GABPB2: variants seen among roughly 807,000 people sequenced by gnomAD.
GABPB2 encodes the protein GA binding protein transcription factor subunit beta 2.
In GABPB2, 23 loss-of-function variants were observed where a neutral mutation model predicts 39.1. The observed-to-expected ratio is 0.59, with a 90% CI of 0.42 to 0.83. The LOEUF (loss-of-function observed/expected upper bound fraction) is 0.83. GABPB2 is among the 40% of genes least tolerant of loss of function. The pLI is 0.00. For missense variants in GABPB2, 467 were observed against 541.1 expected (o/e 0.86, Z 1.36); for synonymous variants, 184 against 199.3 (o/e 0.92, Z 0.65).
chr1:151,088,204 C>G lies in GABPB2; in HGVS notation c.15C>G (p.Asp5Glu). 1 of 1,613,904 alleles carries G rather than the reference C, an allele frequency of 6.2e-7. No individual in the cohort carries two copies. The highest frequency in any genetic ancestry group is 8.5e-7 in the Non-Finnish European group (1 of 1,179,870). ...TATGCATAAAGATGTCTTTGGTGGA[C>G]TTGGGAAAGAGGTTGCTAGAAGCAG... is the stretch of plus-strand genomic sequence containing the variant. MSLV[D>E]LGKRLLEAAR... The change falls in exon 2 of 9, where the codon GAC becomes GAG. Residue 5 changes from aspartate to glutamate, a missense_variant. Asp to Glu is a conservative substitution (Grantham distance 45). Coordinates refer to ENST00000368918, the MANE Select transcript of GABPB2 (RefSeq NM_144618.3).
At position 151,125,435 on chromosome 1, in the gene GABPB2, T is replaced by G. The variant is rs888090126; in HGVS notation, c.*7179T>G. 2.0e-5 allele frequency: 3 copies of G among 152,172 alleles called. No homozygotes were observed. The highest frequency in any genetic ancestry group is 2.9e-5 in the Non-Finnish European group (2 of 68,038). 9.4% of individuals were successfully genotyped at this position (152,172 alleles called of 1,614,324 possible). A position where few individuals can be genotyped will look rare whatever the true frequency, so the allele number is the denominator to read the frequency against. ...ATGAGCAAGTTTGTGTGTATATGTG[T>G]GTATGAGCATTTGTATGTATATATA... On this transcript the variant is annotated 3_prime_UTR_variant, in exon 9 of 9. Coordinates refer to ENST00000368918, the MANE Select transcript of GABPB2 (RefSeq NM_144618.3).
chr1:151,088,877 G>C (rs1034526608), intron 2 of GABPB2, among the ~76,000 whole-genome samples: 1 of 152,154 alleles, frequency 6.6e-6, no homozygotes, highest in African/African-American at 2.4e-5. Context: ...GCGCACGCCT[G>C]TAATCCCAGC....
rs747400692 is a variant in GABPB2 at position 151,090,468 on chromosome 1, C to T, written c.171C>T (p.Leu57=). 4 of 1,614,088 alleles carry T rather than the reference C, an allele frequency of 2.5e-6. No individual in the cohort carries two copies. The highest frequency in any genetic ancestry group is 2.2e-5 in the East Asian group (1 of 44,884). The part of the protein sequence containing the change: ...QYGHYSTAEV[L]LRAGVSRDAR... ...GTCATTATTCCACAGCAGAAGTACT[C>T]CTTCGAGCAGGTGTTAGCAGGGATG... Residue 57 remains leucine (L), a synonymous_variant, in exon 3 of 9, where the codon CTC becomes CTT. Transcript: ENST00000368918.
chr1:151,091,063 G>A lies in GABPB2; in HGVS notation c.276+490G>A, dbSNP rs116636923. On this transcript the variant is annotated intron_variant, in intron 3 of 8. Transcript: ENST00000368918. ...AAAAAAACCTTCATGGCTATGAGGAGTCTGTTTTCTTATTTATTTTTTGTT... is the reference window on the plus strand; with the variant it reads ...AAAAAAACCTTCATGGCTATGAGGAATCTGTTTTCTTATTTATTTTTTGTT... 3.2e-3 allele frequency among the ~76,000 whole-genome samples: 491 copies of A among 151,990 alleles called. 2 individuals are homozygous for A. Among genetic ancestry groups the A allele is most frequent in the South Asian group, 8.3e-3 (40 of 4,812 alleles).
intron 3 of GABPB2, among the ~76,000 whole-genome samples, chr1:151,092,456 T>A (rs948996694): frequency 7.3e-5 from 11 of 151,664 alleles, no homozygotes; most frequent in Non-Finnish European, 1.6e-4. Context: ...TCTCACTACG[T>A]TGACCAGGCT....
intron 1 of GABPB2, among the ~76,000 whole-genome samples, chr1:151,075,538 T>G (rs587648637): frequency 8.2e-6 from 1 of 122,314 alleles, no homozygotes; most frequent in Admixed American, 1.2e-4. Context: ...CACTCTAGCC[T>G]GGGCGACAGA....
chr1:151,112,937 AT>A (rs761548195), intron 7 of GABPB2, among the ~76,000 whole-genome samples: 427 of 140,088 alleles, frequency 3.0e-3, no homozygotes, highest in Non-Finnish European at 2.7e-3. Flanking sequence ...CGCCTGGCTA[AT>A]TTTTTTTTTT....
At chr1:151,073,693 G>A (rs910193563) in intron 1 of GABPB2, among the ~76,000 whole-genome samples, 6 of 151,956 alleles carry the variant, frequency 3.9e-5, no homozygotes, top group East Asian at 1.9e-4. Flanking sequence ...AGGCTGAGGC[G>A]GGCAGATCAC....
Position 151,112,091 on chromosome 1 carries a change from G to T in GABPB2, c.922+4869G>T, listed in dbSNP as rs587642797. 6.7e-5 allele frequency among the ~76,000 whole-genome samples: 10 copies of T among 148,530 alleles called. No homozygotes were observed. The South Asian group carries it at 2.2e-3, about 32-fold the overall frequency. ...TACCAAAAATTAGCTGGGCGTGGTG[G>T]TGGGCGCCCGTAGTCCCAGCTACTC... On this transcript the variant is annotated intron_variant, in intron 7 of 8. Coordinates refer to ENST00000368918, the MANE Select transcript of GABPB2 (RefSeq NM_144618.3).
At position 151,117,974 on chromosome 1, in the gene GABPB2, G is replaced by A; in HGVS notation, c.1065G>A (p.Glu355=). ...VEESKEGNER[E]LLQQQLQEAN... is the part of the protein sequence containing the mutation. ...TTTTACAGGAAGGCAATGAAAGAGAGCTACTACAGCAACAACTCCAGGAGG... is the reference window on the plus strand; with the variant it reads ...TTTTACAGGAAGGCAATGAAAGAGAACTACTACAGCAACAACTCCAGGAGG... Residue 355 remains glutamate (E), a synonymous_variant, in exon 9 of 9, where the codon GAG becomes GAA. Coordinates refer to ENST00000368918, the MANE Select transcript of GABPB2 (RefSeq NM_144618.3). 1 of 1,612,418 alleles carries A rather than the reference G, an allele frequency of 6.2e-7. No individual in the cohort carries two copies. Among genetic ancestry groups the A allele is most frequent in the Non-Finnish European group, 8.5e-7 (1 of 1,179,040 alleles).
At chr1:151,091,044 A>AAAAAAAAG (rs752903621) in intron 3 of GABPB2, among the ~76,000 whole-genome samples, 1 of 150,986 alleles carries the variant, frequency 6.6e-6, no homozygotes, top group Non-Finnish European at 1.5e-5. Flanking sequence ...AAAAAAAAAA[A>AAAAAAAAG]CCTTCATGGC....
At chr1:151,100,171 G>A (rs1057346754) in intron 5 of GABPB2, among the ~76,000 whole-genome samples, 12 of 146,790 alleles carry the variant, frequency 8.2e-5, no homozygotes, top group Non-Finnish European at 1.2e-4. Flanking sequence ...TTGAGACGGA[G>A]TCTCGCTCTG....
At chr1:151,096,835 C>T (rs1467540937) in intron 4 of GABPB2, among the ~76,000 whole-genome samples, 1 of 152,190 alleles carries the variant, frequency 6.6e-6, no homozygotes, top group African/African-American at 2.4e-5. Flanking sequence ...TGCTAGCACA[C>T]TGACTTGTAG....
intron 1 of GABPB2, among the ~76,000 whole-genome samples, chr1:151,072,569 G>A (rs1174079060): frequency 1.3e-5 from 2 of 152,176 alleles, no homozygotes; most frequent in Non-Finnish European, 2.9e-5. Flanking sequence ...AAACAGGCCG[G>A]GCGTGGTGGC....
intron 7 of GABPB2, among the ~76,000 whole-genome samples, chr1:151,111,196 A>G (rs189171749): frequency 1.3e-5 from 2 of 151,882 alleles, no homozygotes; most frequent in Admixed American, 6.6e-5. Flanking sequence ...GGCAGTCTTG[A>G]TATTCAGGAC....
chr1:151,123,063 C>T lies in GABPB2; in HGVS notation c.*4807C>T, dbSNP rs1681237553. ...CCATTTCATGACTTTGCATATCTTT[C>T]TGGATTAGTCATGGAAGTTGGGGAA... On this transcript the variant is annotated 3_prime_UTR_variant, in exon 9 of 9. Transcript: ENST00000368918. 6.6e-6 allele frequency: 1 copy of T among 152,148 alleles called. No homozygotes were observed. The highest frequency in any genetic ancestry group is 1.5e-5 in the Non-Finnish European group (1 of 68,038). 9.4% of individuals were successfully genotyped at this position (152,148 alleles called of 1,614,324 possible). A position where few individuals can be genotyped will look rare whatever the true frequency, so the allele number is the denominator to read the frequency against.
At position 151,119,557 on chromosome 1, in the gene GABPB2, G is replaced by A. The variant is rs972552890; in HGVS notation, c.*1301G>A. The A allele has an allele frequency of 2.0e-5, 3 of 152,240 alleles. No individual in the cohort carries two copies. The highest frequency in any genetic ancestry group is 4.4e-5 in the Non-Finnish European group (3 of 68,100). 9.4% of individuals were successfully genotyped at this position (152,240 alleles called of 1,614,324 possible). On this transcript the variant is annotated 3_prime_UTR_variant, in exon 9 of 9. Transcript: ENST00000368918. ...GATTAAGATCATCCTGGCCAACATGGTGACACCCCGTCTCTACTAAAAATA... is the reference window on the plus strand; with the variant it reads ...GATTAAGATCATCCTGGCCAACATGATGACACCCCGTCTCTACTAAAAATA...
At chr1:151,074,317 T>C (rs1254159647) in intron 1 of GABPB2, among the ~76,000 whole-genome samples, 1 of 144,292 alleles carries the variant, frequency 6.9e-6, no homozygotes, top group Non-Finnish European at 1.5e-5. Flanking sequence ...CCGCTTTTTT[T>C]TTTTTTTTTT....
intron 1 of GABPB2, among the ~76,000 whole-genome samples, chr1:151,085,079 A>T (rs991850173): frequency 6.6e-6 from 1 of 150,604 alleles, no homozygotes; most frequent in Non-Finnish European, 1.5e-5. Context: ...CCTGGGTGAC[A>T]GAGCAAGAAC....
Sources: gnomAD v4.1 joint callset for allele counts (sites outside exome capture counted in the v4.1 genomes callset) on GRCh38, gnomAD v4.1.1 for gene constraint, MANE v1.5 for transcripts, NCBI Gene and HGNC (gene_info 2026-07-23, HGNC 2026-07-21) for gene names.